RP2: variants seen among roughly 807,000 people sequenced by gnomAD.
The protein encoded by RP2 is RP2 activator of ARL3 GTPase, also known as protein XRP2.
RP2 carries 3 observed loss-of-function variants against 20.3 expected under a neutral mutation model. That is an observed-to-expected ratio of 0.15 (90% CI 0.07 to 0.38). RP2 has a LOEUF of 0.38. Ranked by LOEUF, RP2 falls within the 10% of genes least tolerant of loss-of-function variation. The pLI is 1.00. For missense variants in RP2, 233 were observed against 268.5 expected, an observed-to-expected ratio of 0.87 and a Z score of 0.92; for synonymous variants, 75 against 94.8, an observed-to-expected ratio of 0.79 and a Z score of 1.22.
At chrX:46,848,384 ATT>A (rs1324909281) in intron 1 of RP2, among the ~76,000 whole-genome samples, 8 of 92,733 alleles carry the variant, frequency 8.6e-5, no homozygotes, top group Admixed American at 2.4e-4. Flanking sequence ...TTTTTCTTTG[ATT>A]TTTTTTTTTT....
chrX:46,860,784 T>C (rs1346329459), intron 3 of RP2, among the ~76,000 whole-genome samples: 1 of 112,027 alleles, frequency 8.9e-6, no homozygotes, highest in Non-Finnish European at 1.9e-5. Context: ...TTGACTGGCC[T>C]GAGCAAATAT....
chrX:46,876,153 T>C (rs782817184), intron 3 of RP2, among the ~76,000 whole-genome samples: 2 of 110,580 alleles, frequency 1.8e-5, no homozygotes, highest in Non-Finnish European at 3.8e-5. Flanking sequence ...ATGGTCTCGC[T>C]CTGTTGTCCA....
At chrX:46,837,335 G>C in intron 1 of RP2, 133 bp downstream of exon 1, 1 of 696,750 alleles carries the variant, frequency 1.4e-6, no homozygotes, top group Non-Finnish European at 2.2e-6. Context: ...TGAAGTCGGG[G>C]TGCACGACTT....
At chrX:46,847,787 C>CGTGTGTGTGTATATACACAT (rs1924770032) in intron 1 of RP2, among the ~76,000 whole-genome samples, 2 of 82,654 alleles carry the variant, frequency 2.4e-5, no homozygotes, top group African/African-American at 1.1e-4. Flanking sequence ...TACATACACA[C>CGTGTGTGTGTATATACACAT]ATGTGTGTGT....
intron 1 of RP2, 31 bp downstream of exon 1, chrX:46,837,233 C>A (rs1447302986): frequency 8.8e-7 from 1 of 1,134,950 alleles, no homozygotes; most frequent in Non-Finnish European, 1.2e-6. Context: ...GCCGTCTCAG[C>A]CTCCCTGAGC....
At chrX:46,849,082 A>T (rs1250977711) in intron 1 of RP2, among the ~76,000 whole-genome samples, 2 of 111,603 alleles carry the variant, frequency 1.8e-5, no homozygotes, top group Non-Finnish European at 3.8e-5. Flanking sequence ...GGCTCTTAGG[A>T]AAAAATAATT....
Position 46,879,840 on chromosome X carries a change from T to G in RP2, c.*71T>G. On this transcript the variant is annotated 3_prime_UTR_variant, in exon 5 of 5. Coordinates refer to ENST00000218340, the MANE Select transcript of RP2 (RefSeq NM_006915.3). ...GTGAATATAGAATTTGATAATACAC[T>G]TTTGTGTATTAGCAATGGTTTTTAC... 3.2e-6 allele frequency: 2 copies of G among 625,060 alleles called. No individual in the cohort carries two copies. Among genetic ancestry groups the G allele is most frequent in the Non-Finnish European group, 5.1e-6 (2 of 393,923 alleles). The allele number at this position is 625,060 out of a possible 1,213,427, so 51.5% of individuals were successfully genotyped here.
chrX:46,854,957 G>A (rs1924931593), intron 2 of RP2, among the ~76,000 whole-genome samples: 1 of 110,382 alleles, frequency 9.1e-6, no homozygotes. Flanking sequence ...TAGTAGAGAC[G>A]GGGTTTCACC....
chrX:46,871,804 A>C (rs1325167594), intron 3 of RP2, among the ~76,000 whole-genome samples: 5 of 112,040 alleles, frequency 4.5e-5, no homozygotes, highest in Non-Finnish European at 9.4e-5. Context: ...GAAGCCTCCA[A>C]CTGTAATTTT....
chrX:46,866,965 T>A (rs976240631), intron 3 of RP2, among the ~76,000 whole-genome samples: 1 of 112,059 alleles, frequency 8.9e-6, no homozygotes, highest in Non-Finnish European at 1.9e-5. Flanking sequence ...CCTGTCCCTA[T>A]GATTTTGTCT....
At chrX:46,845,589 A>G (rs1338337008) in intron 1 of RP2, among the ~76,000 whole-genome samples, 2 of 111,657 alleles carry the variant, frequency 1.8e-5, no homozygotes, top group African/African-American at 6.5e-5. Flanking sequence ...TTGTATAGTC[A>G]GTTTGCTCCT....
chrX:46,852,902 A>G (rs1419436238), intron 1 of RP2, among the ~76,000 whole-genome samples: 1 of 111,897 alleles, frequency 8.9e-6, no homozygotes, highest in East Asian at 2.8e-4. Flanking sequence ...TTTAGAAATT[A>G]GAAGTTTTAA....
intron 2 of RP2, among the ~76,000 whole-genome samples, chrX:46,854,914 G>A (rs782305437): frequency 4.5e-4 from 50 of 110,484 alleles, no homozygotes; most frequent in Non-Finnish European, 8.0e-4. Flanking sequence ...ATAGGTGGGC[G>A]CCACCACACC....
intron 1 of RP2, among the ~76,000 whole-genome samples, chrX:46,838,171 A>G (rs1391630217): frequency 8.9e-6 from 1 of 112,583 alleles, no homozygotes; most frequent in Non-Finnish European, 1.9e-5. Context: ...TAATAAATGT[A>G]TTAACGTTTT....
intron 1 of RP2, among the ~76,000 whole-genome samples, chrX:46,851,717 G>A (rs1372953346): frequency 9.0e-6 from 1 of 111,649 alleles, no homozygotes; most frequent in East Asian, 2.8e-4. Flanking sequence ...GGATCACAAA[G>A]CCAGGAGATC....
intron 3 of RP2, among the ~76,000 whole-genome samples, chrX:46,874,489 TA>T (rs1162195754): frequency 9.0e-6 from 1 of 111,164 alleles, no homozygotes; most frequent in Non-Finnish European, 1.9e-5. Flanking sequence ...CCAAATGTAC[TA>T]AATGTAGAGA....
In RP2 at chrX:46,837,066, A is replaced by C; in HGVS notation, c.-35A>C. 1 of 1,143,757 alleles carries C rather than the reference A, an allele frequency of 8.7e-7. No homozygotes were observed. The highest frequency in any genetic ancestry group is 1.2e-6 in the Non-Finnish European group (1 of 850,923). The allele number at this position is 1,143,757 out of a possible 1,213,427, so 94.3% of individuals were successfully genotyped here. On this transcript the variant is annotated 5_prime_UTR_variant, in exon 1 of 5. Transcript: ENST00000218340. ...CCACACTCTAGGAAGTGCCTGAGCT[A>C]GTGAGCTGGCCAACGAGCTCCGCGG...
chrX:46,837,861 A>G (rs980750190), intron 1 of RP2, among the ~76,000 whole-genome samples: 9 of 112,441 alleles, frequency 8.0e-5, no homozygotes, highest in African/African-American at 2.9e-4. Context: ...AATAAGCGGC[A>G]TAAACCAGGC....
At chrX:46,847,779 CAT>C (rs1480509854) in intron 1 of RP2, among the ~76,000 whole-genome samples, 2 of 81,978 alleles carry the variant, frequency 2.4e-5, no homozygotes, top group African/African-American at 9.8e-5. Flanking sequence ...TGTGTGTGTA[CAT>C]ACACACATGT....
Sources: allele counts gnomAD v4.1 joint callset (sites outside exome capture counted in the v4.1 genomes callset), GRCh38; gene constraint gnomAD v4.1.1; transcripts MANE v1.5; gene names NCBI Gene and HGNC (gene_info 2026-07-23, HGNC 2026-07-21).